Variants in AGBL4 observed in about 807,000 individuals in gnomAD.
The protein encoded by AGBL4 is cytosolic carboxypeptidase 6.
In AGBL4, 58 loss-of-function variants were observed where a neutral mutation model predicts 66.4. That is an observed-to-expected ratio of 0.87 (90% confidence interval 0.71 to 1.09). The LOEUF is 1.09. Among genes scored for constraint, AGBL4 ranks in the 50% least tolerant of loss-of-function variants. AGBL4 has a pLI of 0.00. For synonymous variants in AGBL4, 234 were observed against 222.9 expected (o/e 1.05, Z -0.44); for missense variants, 579 against 631.0 (o/e 0.92, Z 0.88).
intron 3 of AGBL4, among the ~76,000 whole-genome samples, chr1:49,295,306 C>A (rs776031576): frequency 6.6e-6 from 1 of 152,054 alleles, no homozygotes; most frequent in African/African-American, 2.4e-5. Context: ...TGCAGTGTTA[C>A]CAGAACATGG....
At chr1:49,851,287 G>A (rs1646297026) in intron 2 of AGBL4, 109 bp downstream of exon 2, 2 of 1,208,464 alleles carry the variant, frequency 1.7e-6, no homozygotes, top group Non-Finnish European at 2.1e-6. Context: ...CCATTATTGT[G>A]AAATATTAAA....
chr1:49,477,114 C>T (rs941377700), intron 3 of AGBL4, among the ~76,000 whole-genome samples: 6 of 152,190 alleles, frequency 3.9e-5, no homozygotes, highest in Middle Eastern at 3.4e-3. Flanking sequence ...CGAACAGCAC[C>T]TCTGGACCCA....
At chr1:49,451,512 C>T (rs1019225312) in intron 3 of AGBL4, among the ~76,000 whole-genome samples, 17 of 152,026 alleles carry the variant, frequency 1.1e-4, no homozygotes, top group East Asian at 1.9e-4. Flanking sequence ...TCTTAGAATT[C>T]GGCCTACCAC....
chr1:48,753,973 T>G (rs1400721633), intron 6 of AGBL4, among the ~76,000 whole-genome samples: 1 of 152,214 alleles, frequency 6.6e-6, no homozygotes, highest in Non-Finnish European at 1.5e-5. Flanking sequence ...TCACACTGCG[T>G]ACATATTTGT....
At chr1:49,114,815 T>C (rs1217740635) in intron 4 of AGBL4, among the ~76,000 whole-genome samples, 2 of 152,142 alleles carry the variant, frequency 1.3e-5, no homozygotes, top group Non-Finnish European at 2.9e-5. Flanking sequence ...ACAACATTTA[T>C]CGATTAAGTT....
chr1:49,216,870 C>T (rs558662504), intron 4 of AGBL4, among the ~76,000 whole-genome samples: 1 of 152,166 alleles, frequency 6.6e-6, no homozygotes, highest in South Asian at 2.1e-4. Flanking sequence ...AGAGTGAGTG[C>T]CCAGCCATGT....
intron 3 of AGBL4, among the ~76,000 whole-genome samples, chr1:49,383,738 G>A (rs1179262531): frequency 3.3e-5 from 5 of 151,878 alleles, no homozygotes; most frequent in East Asian, 1.9e-4. Flanking sequence ...ATTCAGCAGC[G>A]ATTTCTGGCA....
intron 5 of AGBL4, among the ~76,000 whole-genome samples, chr1:48,881,727 C>A (rs953957629): frequency 6.6e-6 from 1 of 152,148 alleles, no homozygotes; most frequent in African/African-American, 2.4e-5. Flanking sequence ...CAAGGCATGA[C>A]AAGCTTTGCT....
At chr1:49,909,770 C>T (rs1156440349) in intron 1 of AGBL4, among the ~76,000 whole-genome samples, 2 of 152,182 alleles carry the variant, frequency 1.3e-5, no homozygotes, top group East Asian at 1.9e-4. Flanking sequence ...CATCAGGACT[C>T]ATTCATCAGG....
intron 3 of AGBL4, among the ~76,000 whole-genome samples, chr1:49,258,946 A>C (rs1302901876): frequency 6.6e-6 from 1 of 152,246 alleles, no homozygotes; most frequent in Non-Finnish European, 1.5e-5. Flanking sequence ...CATCAGACTA[A>C]GAGCGGATCT....
At chr1:48,625,343 T>TCTTTC (rs147578844) in intron 9 of AGBL4, among the ~76,000 whole-genome samples, 2,783 of 152,162 alleles carry the variant, frequency 0.018, 92 homozygotes, top group African/African-American at 0.065. Flanking sequence ...GTGATTTTCT[T>TCTTTC]CTTTCCTGCC....
At position 48,630,012 on chromosome 1, in the gene AGBL4, C is replaced by T. The variant is rs140269463; in HGVS notation, c.951+4481G>A. On this transcript the variant is annotated intron_variant, in intron 9 of 13. Coordinates refer to ENST00000371839, the MANE Select transcript of AGBL4 (RefSeq NM_032785.4). ...TGCTTACAGCCAGGTCCCTGCTGGG[C>T]GCCAGAGACCCTGAGATGAGTTAAC... 3.5e-3 allele frequency among the ~76,000 whole-genome samples: 538 copies of T among 152,270 alleles called. 2 individuals are homozygous for T. Among genetic ancestry groups the T allele is most frequent in the African/African-American group, 0.012 (499 of 41,544 alleles).
chr1:49,021,084 A>G (rs1007973685), intron 5 of AGBL4, among the ~76,000 whole-genome samples: 12 of 152,180 alleles, frequency 7.9e-5, no homozygotes, highest in African/African-American at 2.7e-4. Context: ...CCATGATCCT[A>G]TTAGGTTCCT....
intron 1 of AGBL4, among the ~76,000 whole-genome samples, chr1:49,956,553 A>C (rs1473159409): frequency 6.6e-6 from 1 of 151,988 alleles, no homozygotes; most frequent in Admixed American, 6.6e-5. Context: ...AAGGCAACTT[A>C]GTATGCTAGG....
At chr1:49,334,686 T>C (rs985615101) in intron 3 of AGBL4, among the ~76,000 whole-genome samples, 1 of 152,186 alleles carries the variant, frequency 6.6e-6, no homozygotes, top group East Asian at 1.9e-4. Flanking sequence ...GGAATCATTA[T>C]GGTCACAAGT....
At chr1:49,952,097 A>T (rs1446784238) in intron 1 of AGBL4, among the ~76,000 whole-genome samples, 1 of 151,894 alleles carries the variant, frequency 6.6e-6, no homozygotes, top group Non-Finnish European at 1.5e-5. Flanking sequence ...TGGTTGTACA[A>T]CATTGTGAAT....
intron 4 of AGBL4, among the ~76,000 whole-genome samples, chr1:49,130,649 C>G (rs1457628454): frequency 1.3e-5 from 2 of 151,884 alleles, no homozygotes; most frequent in South Asian, 4.2e-4. Flanking sequence ...TTTCTGAGGG[C>G]TCTGTTCTGT....
rs1024824347 is a variant in AGBL4 at position 49,647,055 on chromosome 1, T to A, written c.282+50258A>T. On this transcript the variant is annotated intron_variant, in intron 3 of 13. Transcript: ENST00000371839. ...TCAAAATAGAACATATACCTAAATG[T>A]AAAACCTGAAATTATAAAGACTTTA... Among the ~76,000 whole-genome samples the A allele has an allele frequency of 2.0e-5, 3 of 151,778 alleles. No homozygotes were observed. The South Asian group carries it at 6.2e-4, about 32-fold the overall frequency.
intron 3 of AGBL4, among the ~76,000 whole-genome samples, chr1:49,452,772 G>GA (rs1211376996): frequency 6.6e-6 from 1 of 151,670 alleles, no homozygotes; most frequent in East Asian, 1.9e-4. Context: ...TTAGTTCCCA[G>GA]AAAAAAACAG....
Sources: allele counts gnomAD v4.1 joint callset (sites outside exome capture counted in the v4.1 genomes callset), GRCh38; gene constraint gnomAD v4.1.1; transcripts MANE v1.5; gene names NCBI Gene and HGNC (gene_info 2026-07-23, HGNC 2026-07-21).